The following HERC2 variants were observed in gnomAD, a reference collection of about 807,000 sequenced individuals.
HERC2 encodes E3 ubiquitin-protein ligase HERC2.
Under a neutral mutation model 537.7 loss-of-function variants are expected in HERC2, and 102 were observed. The ratio of observed to expected loss-of-function variants is 0.19; its 90% confidence interval spans 0.16 to 0.22. HERC2 has a LOEUF of 0.22. HERC2 is among the 10% of genes least tolerant of loss of function. The pLI is 1.00. For synonymous variants in HERC2, 2,224 were observed against 2,466.2 expected (o/e 0.90, Z 2.91); for missense variants, 4,236 against 6,198.2 (o/e 0.68, Z 10.63).
At chr15:28,148,640 A>G (rs1892023242) in intron 70 of HERC2, among the ~76,000 whole-genome samples, 1 of 151,930 alleles carries the variant, frequency 6.6e-6, no homozygotes, top group South Asian at 2.1e-4. Flanking sequence ...CTGCTAACCG[A>G]GAACGGCCAC....
intron 69 of HERC2, among the ~76,000 whole-genome samples, chr15:28,159,350 T>C (rs1449181549): frequency 6.6e-6 from 1 of 152,218 alleles, no homozygotes; most frequent in Non-Finnish European, 1.5e-5. Flanking sequence ...TTGGTTCCAT[T>C]CTCCCCATCA....
chr15:28,134,001 G>A (rs752777597), intron 79 of HERC2, among the ~76,000 whole-genome samples: 5 of 152,238 alleles, frequency 3.3e-5, no homozygotes, highest in African/African-American at 9.6e-5. Context: ...TTTATGCTCC[G>A]CTTATCAATT....
At position 28,208,206 on chromosome 15, in the gene HERC2, CTTAAGA is replaced by C. The variant is rs563117957; in HGVS notation, c.7070-1830_7070-1825del. Among the ~76,000 whole-genome samples the C allele has an allele frequency of 4.7e-4, 71 of 152,322 alleles. 1 individual carries two copies. The highest frequency in any genetic ancestry group is 1.5e-3 in the African/African-American group (64 of 41,578). The stretch of plus-strand genomic sequence containing the variant: ...AATTAATTTCATAACATCCTCTCCT[CTTAAGA>C]TTAAGAAACAAACCCACATACTCCA... On this transcript the variant is annotated intron_variant, in intron 44 of 92. Transcript: ENST00000261609.
At chr15:28,301,095 G>T (rs774276286) in intron 2 of HERC2, among the ~76,000 whole-genome samples, 4 of 151,748 alleles carry the variant, frequency 2.6e-5, no homozygotes, top group African/African-American at 7.3e-5. Flanking sequence ...ACAAAGATGA[G>T]CCTGTTTCCT....
intron 2 of HERC2, 58 bp from the exon 3 acceptor site, chr15:28,299,574 A>G: frequency 1.1e-6 from 1 of 876,426 alleles, no homozygotes; most frequent in Admixed American, 2.0e-5. Flanking sequence ...TGCAATTTTT[A>G]AAGAATGATA....
intron 55 of HERC2, 139 bp downstream of exon 55, chr15:28,190,826 A>G: frequency 6.1e-6 from 4 of 655,318 alleles, no homozygotes; most frequent in Non-Finnish European, 1.1e-5. Flanking sequence ...TGTATCTTTT[A>G]AAGTGTCAAA....
chr15:28,227,257 G>A lies in HERC2; in HGVS notation c.5464+961C>T, dbSNP rs561957077. Among the ~76,000 whole-genome samples, 176 of 150,272 alleles carry A rather than the reference G, an allele frequency of 1.2e-3. 2 individuals carry two copies. The highest frequency in any genetic ancestry group is 4.4e-3 in the African/African-American group (174 of 39,944). On this transcript the variant is annotated intron_variant, in intron 35 of 92. Coordinates refer to ENST00000261609, the MANE Select transcript of HERC2 (RefSeq NM_004667.6). ...GCCACTGTGCTCCAGCCTAGGCGAC[G>A]GAGTGAGACTCCGTCTCAAAAAAAA...
intron 70 of HERC2, among the ~76,000 whole-genome samples, chr15:28,148,033 T>C (rs1056950748): frequency 7.1e-6 from 1 of 139,900 alleles, no homozygotes; most frequent in Non-Finnish European, 1.5e-5. Flanking sequence ...CAAGACTGTG[T>C]CTCCAAAAAA....
chr15:28,158,659 C>T, intron 69 of HERC2, among the ~76,000 whole-genome samples: 1 of 151,932 alleles, frequency 6.6e-6, no homozygotes, highest in Admixed American at 6.6e-5. Context: ...TTCCTGAATA[C>T]AGCACACTGA....
Position 28,309,503 on chromosome 15 carries a change from A to G in HERC2, c.73-9987T>C, listed in dbSNP as rs2428641. Among the ~76,000 whole-genome samples the G allele has an allele frequency of 1.0e-3, 154 of 151,948 alleles. 1 individual carries two copies. Among genetic ancestry groups the G allele is most frequent in the African/African-American group, 3.5e-3 (147 of 41,438 alleles). On this transcript the variant is annotated intron_variant, in intron 2 of 92. Transcript: ENST00000261609. ...CTATGCTCTTTTGTGATTTCCATTTACCTCTCCCTTTTTCCATCCCCCCGC... is the reference window on the plus strand; with the variant it reads ...CTATGCTCTTTTGTGATTTCCATTTGCCTCTCCCTTTTTCCATCCCCCCGC...
At chr15:28,195,880 T>C (rs1897304726) in intron 52 of HERC2, among the ~76,000 whole-genome samples, 1 of 152,236 alleles carries the variant, frequency 6.6e-6, no homozygotes, top group Admixed American at 6.5e-5. Flanking sequence ...ATAAAAGGTA[T>C]ATAAATTAAA....
chr15:28,209,642 C>G (rs758637624), intron 44 of HERC2, among the ~76,000 whole-genome samples: 1 of 152,154 alleles, frequency 6.6e-6, no homozygotes, highest in Non-Finnish European at 1.5e-5. Flanking sequence ...CGCGCCAGGC[C>G]TATATATCAT....
At chr15:28,131,447 G>A (rs1189532418) in intron 81 of HERC2, among the ~76,000 whole-genome samples, 1 of 152,218 alleles carries the variant, frequency 6.6e-6, no homozygotes, top group Non-Finnish European at 1.5e-5. Context: ...CAGAGCACCT[G>A]GGCTACACGG....
Position 28,111,630 on chromosome 15 carries a change from T to C in HERC2, c.*133A>G. 5.5e-6 allele frequency: 5 copies of C among 910,172 alleles called. No homozygotes were observed. The highest frequency in any genetic ancestry group is 8.3e-6 in the Non-Finnish European group (5 of 600,910). 56.4% of individuals were successfully genotyped at this position (910,172 alleles called of 1,614,324 possible). A position where few individuals can be genotyped will look rare whatever the true frequency, so the allele number is the denominator to read the frequency against. The stretch of plus-strand genomic sequence containing the variant: ...ATTCCCATCACGGCCAGTCAGTCTC[T>C]CCACTCCCTCCTCCCGCCTGGCTCG... On this transcript the variant is annotated 3_prime_UTR_variant, in exon 93 of 93. Transcript: ENST00000261609.
chr15:28,176,870 T>G lies in HERC2; in HGVS notation c.9432+80A>C. On this transcript the variant is annotated intron_variant, in intron 61 of 92. Coordinates refer to ENST00000261609, the MANE Select transcript of HERC2 (RefSeq NM_004667.6). The surrounding 1 kb of genome is among the most constrained non-coding windows in gnomAD (Gnocchi z 5.0). ...AACCATGCACACATCTTTATGAACTTTCCTAGACTTGAAGCTTATTTTCTC... is the reference window on the plus strand; with the variant it reads ...AACCATGCACACATCTTTATGAACTGTCCTAGACTTGAAGCTTATTTTCTC... 1.9e-6 allele frequency: 3 copies of G among 1,580,940 alleles called. No homozygotes were observed. The highest frequency in any genetic ancestry group is 2.6e-6 in the Non-Finnish European group (3 of 1,155,944).
intron 2 of HERC2, among the ~76,000 whole-genome samples, chr15:28,315,360 C>G (rs1426235007): frequency 1.3e-5 from 2 of 152,226 alleles, no homozygotes; most frequent in Non-Finnish European, 2.9e-5. Flanking sequence ...GACATCACAG[C>G]GGAGACTGGA....
Position 28,177,363 on chromosome 15 carries a change from G to GT in HERC2, c.9254+55dup. ...ATTTTCTGCAAAATAATTCTCAAGA[G>GT]TATCAGTCAGAAACAGTTTCTTATT... On this transcript the variant is annotated intron_variant, in intron 60 of 92. Coordinates refer to ENST00000261609, the MANE Select transcript of HERC2 (RefSeq NM_004667.6). The surrounding 1 kb of genome is among the most constrained non-coding windows in gnomAD (Gnocchi z 5.0). The GT allele has an allele frequency of 6.7e-7, 1 of 1,500,048 alleles. No individual in the cohort carries two copies. The highest frequency in any genetic ancestry group is 9.3e-7 in the Non-Finnish European group (1 of 1,077,032). The allele number at this position is 1,500,048 out of a possible 1,614,324, so 92.9% of individuals were successfully genotyped here.
intron 4 of HERC2, among the ~76,000 whole-genome samples, chr15:28,286,320 T>C (rs1434926746): frequency 6.6e-6 from 1 of 152,070 alleles, no homozygotes; most frequent in Non-Finnish European, 1.5e-5. Context: ...CTAAAGACAG[T>C]ACAAAGTACA....
At chr15:28,190,860 A>G in intron 55 of HERC2, 105 bp downstream of exon 55, 1 of 748,924 alleles carries the variant, frequency 1.3e-6, no homozygotes, top group South Asian at 1.5e-5. Context: ...AGAACCAATT[A>G]TTTAAACGGG....
Sources: allele counts gnomAD v4.1 joint callset (sites outside exome capture counted in the v4.1 genomes callset), GRCh38; gene constraint gnomAD v4.1.1; non-coding constraint Gnocchi (gnomAD v3.1); transcripts MANE v1.5; gene names NCBI Gene and HGNC (gene_info 2026-07-23, HGNC 2026-07-21).